Variants in PSMD3 observed in about 807,000 individuals in gnomAD.
PSMD3 encodes the protein 26S proteasome non-ATPase regulatory subunit 3.
Under a neutral mutation model 62.8 loss-of-function variants are expected in PSMD3, and 5 were observed. The ratio of observed to expected loss-of-function variants is 0.08; its 90% CI spans 0.04 to 0.17. The LOEUF is 0.17. PSMD3 is among the 10% of genes least tolerant of loss of function. PSMD3 has a pLI of 1.00. For missense variants in PSMD3, 524 were observed against 713.6 expected, an observed-to-expected ratio of 0.73 and a Z score of 3.03; for synonymous variants, 265 against 283.9, an observed-to-expected ratio of 0.93 and a Z score of 0.67.
At chr17:39,992,663 C>T (rs1380625287) in intron 6 of PSMD3, among the ~76,000 whole-genome samples, 1 of 152,198 alleles carries the variant, frequency 6.6e-6, no homozygotes, top group Non-Finnish European at 1.5e-5. Context: ...ACCAGCTTCA[C>T]TACCTGTGTT....
chr17:39,984,305 C>T lies in PSMD3; in HGVS notation c.232C>T (p.His78Tyr). ...DTVTLEDIKEHVKQLEKAVSG... is the reference protein window; with the variant it reads ...DTVTLEDIKEYVKQLEKAVSG... ...CTGCTCTTCTTCAGACATCAAGGAG[C>T]ACGTGAAACAGCTAGAGAAAGCGGT... The change falls in exon 2 of 12, where the codon CAC becomes TAC. Residue 78 changes from histidine to tyrosine, a missense_variant. By Grantham distance (83) the His-to-Tyr change is moderately conservative. Transcript: ENST00000264639. 1 of 1,611,944 alleles carries T rather than the reference C, an allele frequency of 6.2e-7. No individual in the cohort carries two copies. Among genetic ancestry groups the T allele is most frequent in the South Asian group, 1.1e-5 (1 of 90,920 alleles).
In PSMD3 at chr17:39,997,839, G is replaced by C. The variant is rs1980825143; in HGVS notation, c.*258G>C. ...CCTGGCCAGCAGTGTGGGAGCAGGA[G>C]GGGAAGGATAGTTCTGTGTACTCCT... On this transcript the variant is annotated 3_prime_UTR_variant, in exon 12 of 12. Transcript: ENST00000264639. 1 of 560,108 alleles carries C rather than the reference G, an allele frequency of 1.8e-6. No individual in the cohort carries two copies. Among genetic ancestry groups the C allele is most frequent in the Non-Finnish European group, 3.2e-6 (1 of 310,764 alleles). 34.7% of individuals were successfully genotyped at this position (560,108 alleles called of 1,614,324 possible).
In PSMD3 at chr17:39,981,134, C is replaced by T. The variant is rs980784817; in HGVS notation, c.164C>T (p.Thr55Met). 2 of 1,547,318 alleles carry T rather than the reference C, an allele frequency of 1.3e-6. No individual in the cohort carries two copies. The highest frequency in any genetic ancestry group is 3.9e-5 in the Admixed American group (2 of 50,966). The change falls in exon 1 of 12, where the codon ACG (threonine) becomes ATG (methionine). Residue 55 changes from threonine (T) to methionine (M), a missense_variant. Thr to Met is a moderately conservative substitution (Grantham distance 81). This residue lies in a region of PSMD3 where 396 missense variants were observed against 475.8 expected (regional missense o/e 0.83). Coordinates refer to ENST00000264639, the MANE Select transcript of PSMD3 (RefSeq NM_002809.4). ...GGSTGEADGK[T>M]AAAAAEHSQR... ...TCGACGGGGGAGGCAGACGGCAAGA[C>T]GGCGGCGGCAGCGGCTGAGCACTCC...
chr17:39,994,999 C>G lies in PSMD3; in HGVS notation c.1027C>G (p.Pro343Ala), dbSNP rs769255809. Residue 343 changes from proline to alanine, a missense_variant, in exon 7 of 12, where the codon CCT becomes GCT. Transcript: ENST00000264639. ...IVVELLLGEI[P>A]DRLQFRQPSL... ...GGTGGAGCTGTTGCTGGGGGAGATC[C>G]CTGACCGGCTGCAGTTCCGCCAGCC... 6 of 1,614,126 alleles carry G rather than the reference C, an allele frequency of 3.7e-6. No homozygotes were observed. In the Admixed American group the frequency reaches 5.0e-5, roughly 13 times the overall value.
At chr17:39,984,066 G>A (rs1980457569) in intron 1 of PSMD3, among the ~76,000 whole-genome samples, 2 of 152,062 alleles carry the variant, frequency 1.3e-5, no homozygotes, top group Non-Finnish European at 2.9e-5. Flanking sequence ...CAGGCGTGGT[G>A]GCGGGTGCCT....
In PSMD3 at chr17:39,990,254, T is replaced by C. The variant is rs567664290; in HGVS notation, c.981+57T>C. On this transcript the variant is annotated intron_variant, in intron 6 of 11. Coordinates refer to ENST00000264639, the MANE Select transcript of PSMD3 (RefSeq NM_002809.4). ...CTTTTTTTTTTTTTTTTTTAAATGG[T>C]GTCTTGCTATGTTACCTGGGCTGGT... The C allele has an allele frequency of 9.5e-5, 129 of 1,351,288 alleles. No individual in the cohort carries two copies. The African/African-American group carries it at 1.8e-3, about 19-fold the overall frequency. The allele number at this position is 1,351,288 out of a possible 1,614,324, so 83.7% of individuals were successfully genotyped here. A position where few individuals can be genotyped will look rare whatever the true frequency, so the allele number is the denominator to read the frequency against.
intron 1 of PSMD3, among the ~76,000 whole-genome samples, chr17:39,981,958 C>A (rs1171767044): frequency 6.6e-6 from 1 of 152,160 alleles, no homozygotes; most frequent in Non-Finnish European, 1.5e-5. Context: ...TTACTTTTCC[C>A]ACTTACAGCG....
Position 39,996,001 on chromosome 17 carries a change from C to G in PSMD3, c.1321-182C>G, listed in dbSNP as rs1980773322. 1.4e-6 allele frequency: 1 copy of G among 695,410 alleles called. No homozygotes were observed. Among genetic ancestry groups the G allele is most frequent in the Non-Finnish European group, 2.4e-6 (1 of 423,224 alleles). 43.1% of individuals were successfully genotyped at this position (695,410 alleles called of 1,614,324 possible). ...AGGCCTGGTGGCAGGTTCCTGTAAT[C>G]CCAGCTACTTGGGAGGCTGAGGCAG... On this transcript the variant is annotated intron_variant, in intron 9 of 11. Transcript: ENST00000264639. The surrounding 1 kb of genome is among the most constrained non-coding windows in gnomAD (Gnocchi z 5.1).
intron 2 of PSMD3, among the ~76,000 whole-genome samples, chr17:39,986,350 C>G (rs530156625): frequency 6.6e-6 from 1 of 152,332 alleles, no homozygotes; most frequent in African/African-American, 2.4e-5. Context: ...CCTGCCTCAG[C>G]CTTCCAGGTA....
rs901881135 is a variant in PSMD3 at position 39,995,785 on chromosome 17, A to C, written c.1320+258A>C. On this transcript the variant is annotated intron_variant, in intron 9 of 11. Coordinates refer to ENST00000264639, the MANE Select transcript of PSMD3 (RefSeq NM_002809.4). The surrounding 1 kb of genome is among the most constrained non-coding windows in gnomAD (Gnocchi z 4.1). ...GTGAGTGTGAGAATATAAGGAGGGC[A>C]GAGGAATGGGATGGAACAAGATGTT... 2 of 535,312 alleles carry C rather than the reference A, an allele frequency of 3.7e-6. No homozygotes were observed. The highest frequency in any genetic ancestry group is 6.7e-6 in the Non-Finnish European group (2 of 296,390). 33.2% of individuals were successfully genotyped at this position (535,312 alleles called of 1,614,324 possible).
intron 6 of PSMD3, chr17:39,994,688 A>G: frequency 4.3e-6 from 2 of 469,904 alleles, no homozygotes; most frequent in Non-Finnish European, 7.8e-6. Flanking sequence ...AGAGCAGACT[A>G]CGCGCGGGGT....
At chr17:39,984,564 C>A in intron 2 of PSMD3, 80 bp downstream of exon 2, 1 of 1,346,860 alleles carries the variant, frequency 7.4e-7, no homozygotes, top group Non-Finnish European at 1.0e-6. Context: ...ATCCTAAAGT[C>A]CCATCTTATT....
Position 39,996,096 on chromosome 17 carries a change from G to T in PSMD3, c.1321-87G>T, listed in dbSNP as rs899286597. ...ATCGCACCACCGCACTCTCCTGCCT[G>T]GGTGACAGAGCGAGACTCCATCTCA... On this transcript the variant is annotated intron_variant, in intron 9 of 11. Transcript: ENST00000264639. This position sits in a 1 kb window ranked among gnomAD's most constrained non-coding sequence, Gnocchi z 5.1. 2.6e-6 allele frequency: 4 copies of T among 1,526,394 alleles called. No homozygotes were observed. Among genetic ancestry groups the T allele is most frequent in the Non-Finnish European group, 3.6e-6 (4 of 1,110,236 alleles). 94.6% of individuals were successfully genotyped at this position (1,526,394 alleles called of 1,614,324 possible).
chr17:39,980,867 T>C lies in PSMD3; in HGVS notation c.-104T>C. 3.8e-6 allele frequency: 4 copies of C among 1,054,734 alleles called. No individual in the cohort carries two copies. Among genetic ancestry groups the C allele is most frequent in the Non-Finnish European group, 5.2e-6 (4 of 763,128 alleles). The allele number at this position is 1,054,734 out of a possible 1,614,324, so 65.3% of individuals were successfully genotyped here. ...TCCGTCATCGTGCGGCCCGACGCTATCTCGCGCTCGTGTGCAGGCCCGGCT... is the reference window on the plus strand; with the variant it reads ...TCCGTCATCGTGCGGCCCGACGCTACCTCGCGCTCGTGTGCAGGCCCGGCT... On this transcript the variant is annotated 5_prime_UTR_variant, in exon 1 of 12. Transcript: ENST00000264639.
Position 39,996,440 on chromosome 17 carries a change from T to TCCCA in PSMD3, c.1476+103_1476+106dup. The TCCCA allele has an allele frequency of 7.0e-7, 1 of 1,427,348 alleles. No homozygotes were observed. The highest frequency in any genetic ancestry group is 9.6e-7 in the Non-Finnish European group (1 of 1,044,540). 88.4% of individuals were successfully genotyped at this position (1,427,348 alleles called of 1,614,324 possible). On this transcript the variant is annotated intron_variant, in intron 10 of 11. Coordinates refer to ENST00000264639, the MANE Select transcript of PSMD3 (RefSeq NM_002809.4). The surrounding 1 kb of genome is among the most constrained non-coding windows in gnomAD (Gnocchi z 5.1). The stretch of plus-strand genomic sequence containing the variant: ...AGACTGGCTTAATTTGTGGCCCACG[T>TCCCA]CCCAGCCAATCTCTGTAAAATCACT...
intron 6 of PSMD3, among the ~76,000 whole-genome samples, chr17:39,990,780 TC>T (rs1395283822): frequency 1.3e-5 from 2 of 152,156 alleles, no homozygotes; most frequent in African/African-American, 4.8e-5. Flanking sequence ...TTTTATCTAG[TC>T]CTTCATGTTC....
In PSMD3 at chr17:39,986,651, T is replaced by C; in HGVS notation, c.488T>C (p.Val163Ala). The change falls in exon 3 of 12, where the codon GTG becomes GCG. Residue 163 changes from valine to alanine, a missense_variant. By Grantham distance (64) the Val-to-Ala change is moderately conservative. Transcript: ENST00000264639. The part of the protein sequence containing the change: ...KAASTPLLPE[V>A]EAYLQLLVVI... ...GCGTCGACACCCCTCCTGCCTGAAG[T>C]GGAAGCCTATCTCCAACTCCTCGTG... 6.2e-7 allele frequency: 1 copy of C among 1,614,144 alleles called. No individual in the cohort carries two copies. Among genetic ancestry groups the C allele is most frequent in the Non-Finnish European group, 8.5e-7 (1 of 1,180,028 alleles).
At position 39,997,767 on chromosome 17, in the gene PSMD3, C is replaced by A. The variant is rs1264136185; in HGVS notation, c.*186C>A. ...GGGCTCCTCCCCAGCCGGTGACTTACTGTACAGCAGGCAGGAGGGTGGGCA... is the reference window on the plus strand; with the variant it reads ...GGGCTCCTCCCCAGCCGGTGACTTAATGTACAGCAGGCAGGAGGGTGGGCA... On this transcript the variant is annotated 3_prime_UTR_variant, in exon 12 of 12. Coordinates refer to ENST00000264639, the MANE Select transcript of PSMD3 (RefSeq NM_002809.4). The A allele has an allele frequency of 1.4e-6, 1 of 689,784 alleles. No homozygotes were observed. The highest frequency in any genetic ancestry group is 2.7e-5 in the East Asian group (1 of 36,646). The allele number at this position is 689,784 out of a possible 1,614,324, so 42.7% of individuals were successfully genotyped here. A position where few individuals can be genotyped will look rare whatever the true frequency, so the allele number is the denominator to read the frequency against.
Position 39,995,835 on chromosome 17 carries a change from T to A in PSMD3, c.1320+308T>A. On this transcript the variant is annotated intron_variant, in intron 9 of 11. Transcript: ENST00000264639. This position sits in a 1 kb window ranked among gnomAD's most constrained non-coding sequence, Gnocchi z 4.1. ...TCTCTGACTTAGAAGATGGGCGTGC[T>A]GGGCCAGGCGCAGTGGCTCATGCCT... 1 of 489,162 alleles carries A rather than the reference T, an allele frequency of 2.0e-6. No homozygotes were observed. Among genetic ancestry groups the A allele is most frequent in the Non-Finnish European group, 3.7e-6 (1 of 268,564 alleles). The allele number at this position is 489,162 out of a possible 1,614,324, so 30.3% of individuals were successfully genotyped here.
Sources: gnomAD v4.1 joint callset for allele counts (sites outside exome capture counted in the v4.1 genomes callset) on GRCh38, gnomAD v4.1.1 for gene constraint, gnomAD v4.1.1 regional missense constraint, Gnocchi (gnomAD v3.1) non-coding constraint, MANE v1.5 for transcripts, NCBI Gene and HGNC (gene_info 2026-07-23, HGNC 2026-07-21) for gene names.